PROSER1: variants seen among roughly 807,000 people sequenced by gnomAD.
PROSER1 encodes the protein proline and serine-rich protein 1.
A neutral mutation model predicts 71.8 loss-of-function variants in PROSER1; 36 were observed. The ratio of observed to expected loss-of-function variants is 0.50; its 90% confidence interval spans 0.38 to 0.66. The LOEUF (loss-of-function observed/expected upper bound fraction) is 0.66, where lower values mean the gene tolerates loss of function less well. PROSER1 is among the 30% of genes least tolerant of loss of function. The pLI is 0.00. For synonymous variants in PROSER1, 490 were observed against 452.4 expected, an observed-to-expected ratio of 1.08 and a Z score of -1.06; for missense variants, 1,107 against 1,135.0, an observed-to-expected ratio of 0.98 and a Z score of 0.35.
intron 8 of PROSER1, 71 bp from the exon 9 acceptor site, chr13:39,022,483 G>T: frequency 9.8e-7 from 1 of 1,015,838 alleles, no homozygotes; most frequent in Non-Finnish European, 1.6e-6. Context: ...TCTGTGACTA[G>T]GAGTTCAAAC....
chr13:39,030,719 C>G (rs1278281809), intron 3 of PROSER1, among the ~76,000 whole-genome samples: 4 of 152,098 alleles, frequency 2.6e-5, no homozygotes, highest in Admixed American at 2.6e-4. Flanking sequence ...TGGCCACCAC[C>G]CCAAGCCCCT....
In PROSER1 at chr13:39,013,549, G is replaced by A; in HGVS notation, c.1703C>T (p.Ser568Phe). 6.2e-7 allele frequency: 1 copy of A among 1,614,150 alleles called. No homozygotes were observed. Among genetic ancestry groups the A allele is most frequent in the Non-Finnish European group, 8.5e-7 (1 of 1,180,028 alleles). The change falls in exon 11 of 13, where the codon TCC (serine) becomes TTC (phenylalanine). Residue 568 changes from serine (S) to phenylalanine (F), a missense_variant. Ser to Phe is a radical substitution (Grantham distance 155). Coordinates refer to ENST00000352251, the MANE Select transcript of PROSER1 (RefSeq NM_025138.5). ...GCCACAGCTAACTGGCACTGACGTG[G>A]AAGCTGATGCAGCAGTGGCTAAAGG... is the stretch of plus-strand genomic sequence containing the variant. The part of the protein sequence containing the change: ...QSPLATAASA[S>F]TSVPVSCGSS...
At chr13:39,017,452 C>A (rs1015585207) in intron 10 of PROSER1, 48 bp downstream of exon 10, 1 of 1,158,486 alleles carries the variant, frequency 8.6e-7, no homozygotes, top group African/African-American at 1.5e-5. Flanking sequence ...AATAACAGAG[C>A]AAACCATGAC....
chr13:39,022,365 G>T lies in PROSER1; in HGVS notation c.691C>A (p.Pro231Thr). The change falls in exon 9 of 13, where the codon CCA becomes ACA. Residue 231 changes from proline (P) to threonine (T), a missense_variant. By Grantham distance (38) the Pro-to-Thr change is conservative. Transcript: ENST00000352251. ...TTAGGAGTATATGGAGGTGGAGGTG[G>T]AGCTATGACATTCGCTAATGGTACC... is the stretch of plus-strand genomic sequence containing the variant. ...GLVPLANVIA[P>T]PPPPYTPNPV... The T allele has an allele frequency of 6.2e-7, 1 of 1,612,872 alleles. No individual in the cohort carries two copies. Among genetic ancestry groups the T allele is most frequent in the Non-Finnish European group, 8.5e-7 (1 of 1,179,000 alleles).
At chr13:39,024,436 A>T in intron 7 of PROSER1, 37 bp downstream of exon 7, 1 of 1,413,606 alleles carries the variant, frequency 7.1e-7, no homozygotes, top group South Asian at 1.2e-5. Flanking sequence ...TTATGTAGGA[A>T]GGAGTTTGGG....
At chr13:39,017,838 T>G (rs1356618614) in intron 9 of PROSER1, 1 of 276,640 alleles carries the variant, frequency 3.6e-6, no homozygotes, top group Non-Finnish European at 6.7e-6. Flanking sequence ...TACACACTGT[T>G]AATTTTACAT....
chr13:39,014,735 G>A lies in PROSER1; in HGVS notation c.776-259C>T, dbSNP rs1869927791. 2.6e-5 allele frequency among the ~76,000 whole-genome samples: 4 copies of A among 152,172 alleles called. No homozygotes were observed. In the South Asian group the frequency reaches 8.3e-4, roughly 31 times the overall value. ...CAGGAAGTTTTGAGAAGCTTGCGAA[G>A]TGTCCTTTCATGTTTTTCCGCTTTT... On this transcript the variant is annotated intron_variant, in intron 10 of 12. Coordinates refer to ENST00000352251, the MANE Select transcript of PROSER1 (RefSeq NM_025138.5).
intron 7 of PROSER1, chr13:39,023,337 G>T: frequency 2.0e-6 from 1 of 502,024 alleles, no homozygotes; most frequent in South Asian, 2.9e-5. Flanking sequence ...TCTTGCCAAA[G>T]ATGGCCATAG....
rs1331113194 is a variant in PROSER1 at position 39,025,688 on chromosome 13, T to C, written c.480+589A>G. ...AAATTTTCAGATGAATGTAACCTCA[T>C]GAAAAGACCTGAACCAGAACTATCC... is the stretch of plus-strand genomic sequence containing the variant. On this transcript the variant is annotated intron_variant, in intron 6 of 12. Transcript: ENST00000352251. 2.0e-5 allele frequency among the ~76,000 whole-genome samples: 3 copies of C among 152,148 alleles called. 1 individual carries two copies. The highest frequency in any genetic ancestry group is 4.1e-4 in the South Asian group (2 of 4,834).
chr13:39,029,251 A>G (rs768943723), intron 4 of PROSER1, 30 bp downstream of exon 4: 79,634 of 820,110 alleles, frequency 0.097, 2,280 homozygotes, highest in African/African-American at 0.23. Context: ...CCCAAGTAAA[A>G]AAAAAAAAAA....
rs547365937 is a variant in PROSER1 at position 39,018,770 on chromosome 13, CA to C, written c.731-1227del. ...AGTAGCAGGAGGAGGGGAAAAAAAG[CA>C]GAGGAAAATGCAACAATTAAAAGAA... On this transcript the variant is annotated intron_variant, in intron 9 of 12. Transcript: ENST00000352251. 8.6e-5 allele frequency among the ~76,000 whole-genome samples: 13 copies of C among 151,964 alleles called. No homozygotes were observed. In the East Asian group the frequency reaches 2.5e-3, roughly 29 times the overall value.
At chr13:39,037,068 A>G in intron 1 of PROSER1, 130 bp downstream of exon 1, 1 of 684,760 alleles carries the variant, frequency 1.5e-6, no homozygotes. Flanking sequence ...CCTCCATTAC[A>G]CGTGAAAATT....
At chr13:39,031,058 G>C (rs896160334) in intron 3 of PROSER1, among the ~76,000 whole-genome samples, 1 of 152,144 alleles carries the variant, frequency 6.6e-6, no homozygotes, top group Non-Finnish European at 1.5e-5. Flanking sequence ...TGTTGACCTA[G>C]GTTCTAGAGC....
At chr13:39,030,993 T>C (rs1453220864) in intron 3 of PROSER1, among the ~76,000 whole-genome samples, 3 of 152,192 alleles carry the variant, frequency 2.0e-5, no homozygotes, top group East Asian at 3.9e-4. Context: ...AGGCCTGATA[T>C]TGCTTCAAAA....
intron 1 of PROSER1, among the ~76,000 whole-genome samples, 167 bp from the exon 2 acceptor site, chr13:39,034,363 C>T (rs1468540412): frequency 6.6e-6 from 1 of 152,176 alleles, no homozygotes; most frequent in East Asian, 1.9e-4. Flanking sequence ...GCCCTTCCTT[C>T]CATCTTTCCA....
intron 6 of PROSER1, among the ~76,000 whole-genome samples, chr13:39,025,556 CAA>C (rs763106725): frequency 5.3e-5 from 8 of 152,146 alleles, no homozygotes; most frequent in Non-Finnish European, 7.4e-5. Flanking sequence ...AGCAGCATTA[CAA>C]AAAAGTCTTT....
chr13:39,034,578 T>G (rs1871008067), intron 1 of PROSER1, among the ~76,000 whole-genome samples: 2 of 152,368 alleles, frequency 1.3e-5, no homozygotes, highest in African/African-American at 4.8e-5. Flanking sequence ...ACATATCAGA[T>G]GTTACTCATT....
chr13:39,019,918 G>A (rs1015393812), intron 9 of PROSER1, among the ~76,000 whole-genome samples: 3 of 151,530 alleles, frequency 2.0e-5, no homozygotes, highest in Non-Finnish European at 4.4e-5. Flanking sequence ...GGGGAAAAAA[G>A]TTTAAAATAA....
chr13:39,031,085 T>C (rs1042632749), intron 3 of PROSER1, among the ~76,000 whole-genome samples: 6 of 152,210 alleles, frequency 3.9e-5, no homozygotes, highest in African/African-American at 1.4e-4. Context: ...ATCCATATAG[T>C]AGCCACTAAG....
Sources: gnomAD v4.1 joint callset for allele counts (sites outside exome capture counted in the v4.1 genomes callset) on GRCh38, gnomAD v4.1.1 for gene constraint, MANE v1.5 for transcripts, NCBI Gene and HGNC (gene_info 2026-07-23, HGNC 2026-07-21) for gene names.